Variants in RELN observed in about 807,000 individuals in gnomAD.
RELN encodes reelin.
A neutral mutation model predicts 427.6 loss-of-function variants in RELN; 108 were observed. That is an observed-to-expected ratio of 0.25 (90% CI 0.22 to 0.30). RELN has a LOEUF of 0.30. Ranked by LOEUF, RELN falls within the 10% of genes least tolerant of loss-of-function variation. The probability of loss-of-function intolerance (pLI) is 1.00; values close to 1 mark genes in which losing one functional copy is unlikely to be tolerated. For synonymous variants in RELN, 1,524 were observed against 1,513.4 expected (o/e 1.01, Z -0.16); for missense variants, 3,715 against 4,302.8 (o/e 0.86, Z 3.82).
chr7:103,706,618 C>T (rs1834206950), intron 8 of RELN, among the ~76,000 whole-genome samples: 1 of 151,608 alleles, frequency 6.6e-6, no homozygotes, highest in African/African-American at 2.4e-5. Flanking sequence ...GTGTACAAAA[C>T]ACCCTTTCTT....
intron 2 of RELN, among the ~76,000 whole-genome samples, chr7:103,879,415 T>C (rs1458373779): frequency 6.6e-6 from 1 of 152,190 alleles, no homozygotes; most frequent in African/African-American, 2.4e-5. Flanking sequence ...GTTTTTAATG[T>C]TCTGATGTTT....
rs548702834 is a variant in RELN, at chr7:103,791,133, A to G, written c.474-14506T>C. Among the ~76,000 whole-genome samples, 9 of 152,312 alleles carry G rather than the reference A, an allele frequency of 5.9e-5. No individual in the cohort carries two copies. The South Asian group carries it at 1.9e-3, about 32-fold the overall frequency. On this transcript the variant is annotated intron_variant, in intron 3 of 64. Coordinates refer to ENST00000428762, the MANE Select transcript of RELN (RefSeq NM_005045.4). ...AAAAGATGGAAATAAATGGAAAAAC[A>G]TCTTATGTTCATGACTTAGAAGGTG...
At chr7:103,648,225 C>A (rs912059887) in intron 16 of RELN, among the ~76,000 whole-genome samples, 1 of 151,978 alleles carries the variant, frequency 6.6e-6, no homozygotes, top group Non-Finnish European at 1.5e-5. Context: ...TTCCCCCTTG[C>A]TGTTCTTGTG....
At chr7:103,732,147 G>A (rs1189713554) in intron 6 of RELN, among the ~76,000 whole-genome samples, 2 of 152,088 alleles carry the variant, frequency 1.3e-5, no homozygotes, top group Admixed American at 1.3e-4. Flanking sequence ...AGGAGATTGG[G>A]ACTGATATGA....
chr7:103,484,220 AATT>A (rs1488135044), intron 61 of RELN: 4 of 255,010 alleles, frequency 1.6e-5, no homozygotes, highest in Non-Finnish European at 2.3e-5. Context: ...GTATTAAAGG[AATT>A]ATACTTCCTT....
intron 2 of RELN, among the ~76,000 whole-genome samples, chr7:103,870,075 C>T (rs372310137): frequency 6.6e-5 from 10 of 151,980 alleles, no homozygotes; most frequent in Admixed American, 3.3e-4. Flanking sequence ...TCTAGAATTT[C>T]GGTTTGGTTT....
At chr7:103,939,474 A>G (rs565329574) in intron 1 of RELN, among the ~76,000 whole-genome samples, 2 of 152,310 alleles carry the variant, frequency 1.3e-5, no homozygotes, top group East Asian at 3.9e-4. Context: ...ACACAAACAC[A>G]CACACATGCA....
intron 2 of RELN, among the ~76,000 whole-genome samples, chr7:103,890,806 G>A (rs890808306): frequency 1.3e-5 from 2 of 152,110 alleles, no homozygotes; most frequent in Non-Finnish European, 2.9e-5. Flanking sequence ...GTCCAGGCAC[G>A]ATGGCCCACG....
At chr7:103,726,747 T>C (rs2115926929) in intron 7 of RELN, among the ~76,000 whole-genome samples, 2 of 152,268 alleles carry the variant, frequency 1.3e-5, no homozygotes, top group South Asian at 4.1e-4. Flanking sequence ...CTCAATTAAC[T>C]ACAGTAAAAA....
chr7:103,888,510 T>C (rs548247876), intron 2 of RELN, among the ~76,000 whole-genome samples: 1 of 152,310 alleles, frequency 6.6e-6, no homozygotes, highest in African/African-American at 2.4e-5. Context: ...TAAACAACTT[T>C]TGGCACCACC....
At chr7:103,816,336 G>C (rs1338434697) in intron 3 of RELN, among the ~76,000 whole-genome samples, 1 of 152,132 alleles carries the variant, frequency 6.6e-6, no homozygotes, top group African/African-American at 2.4e-5. Context: ...CCGAGATCGT[G>C]CCACTGCACT....
At chr7:103,474,261 G>C (rs990171468) in intron 64 of RELN, among the ~76,000 whole-genome samples, 2 of 151,738 alleles carry the variant, frequency 1.3e-5, no homozygotes, top group African/African-American at 4.8e-5. Context: ...AAAAGCAATA[G>C]CATCTGTGCT....
At chr7:103,744,517 G>C (rs1006076733) in intron 6 of RELN, among the ~76,000 whole-genome samples, 4 of 152,068 alleles carry the variant, frequency 2.6e-5, no homozygotes, top group African/African-American at 7.2e-5. Flanking sequence ...TAGACCACTA[G>C]CAAGACTAAT....
At chr7:103,658,630 T>G (rs1833072574) in intron 12 of RELN, among the ~76,000 whole-genome samples, 1 of 152,068 alleles carries the variant, frequency 6.6e-6, no homozygotes. Flanking sequence ...GGCCACCATT[T>G]CTTTTCTTCT....
Position 103,728,018 on chromosome 7 carries a change from A to T in RELN, c.753+93T>A, listed in dbSNP as rs1301853376. On this transcript the variant is annotated intron_variant, in intron 7 of 64. Transcript: ENST00000428762. ...ACTCATAAATCATATTTGAATTTTC[A>T]TCTGAACTTTAAGAGCATAAGAAAA... 4.3e-6 allele frequency: 5 copies of T among 1,162,860 alleles called. No individual in the cohort carries two copies. The African/African-American group carries it at 6.1e-5, about 14-fold the overall frequency. 72.0% of individuals were successfully genotyped at this position (1,162,860 alleles called of 1,614,324 possible).
intron 8 of RELN, among the ~76,000 whole-genome samples, chr7:103,706,206 G>A (rs779743306): frequency 6.7e-6 from 1 of 149,800 alleles, no homozygotes; most frequent in Non-Finnish European, 1.5e-5. Flanking sequence ...GGAAAGAGAA[G>A]AATCTCCTTT....
chr7:103,485,108 G>T (rs975685348), intron 61 of RELN, among the ~76,000 whole-genome samples: 4 of 151,652 alleles, frequency 2.6e-5, no homozygotes, highest in Admixed American at 6.6e-5. Context: ...ACGTATAAAT[G>T]CATAAACTAA....
intron 3 of RELN, among the ~76,000 whole-genome samples, chr7:103,810,188 A>G (rs934503359): frequency 1.2e-4 from 18 of 152,050 alleles, no homozygotes; most frequent in African/African-American, 4.3e-4. Flanking sequence ...ATACTTGTAC[A>G]TTTACTTTCT....
intron 51 of RELN, among the ~76,000 whole-genome samples, chr7:103,504,193 G>A (rs1437892441): frequency 6.6e-6 from 1 of 152,120 alleles, no homozygotes; most frequent in East Asian, 1.9e-4. Flanking sequence ...AACAGAGCAA[G>A]ACTCCGTCTC....
Sources: gnomAD v4.1 joint callset for allele counts (sites outside exome capture counted in the v4.1 genomes callset) on GRCh38, gnomAD v4.1.1 for gene constraint, MANE v1.5 for transcripts, NCBI Gene and HGNC (gene_info 2026-07-23, HGNC 2026-07-21) for gene names.